Variants in GPHN observed in about 807,000 individuals in gnomAD.
GPHN encodes the protein gephyrin.
A neutral mutation model predicts 95.5 loss-of-function variants in GPHN; 17 were observed. The observed-to-expected ratio is 0.18, with a 90% CI of 0.12 to 0.27. GPHN has a LOEUF of 0.27. Ranked by LOEUF, GPHN falls within the 10% of genes least tolerant of loss-of-function variation. GPHN has a pLI of 1.00. For missense variants in GPHN, 660 were observed against 978.1 expected (o/e 0.67, Z 4.34); for synonymous variants, 320 against 322.5 (o/e 0.99, Z 0.08).
At position 66,925,950 on chromosome 14, in the gene GPHN, G is replaced by A. The variant is rs568907765; in HGVS notation, c.828+1658G>A. 1.4e-3 allele frequency among the ~76,000 whole-genome samples: 208 copies of A among 152,200 alleles called. 2 individuals are homozygous for A. Among genetic ancestry groups the A allele is most frequent in the Admixed American group, 3.9e-3 (59 of 15,266 alleles). On this transcript the variant is annotated intron_variant, in intron 8 of 22. Coordinates refer to ENST00000478722, the MANE Select transcript of GPHN (RefSeq NM_020806.5). ...TTTTGGATAAAAGCCGTATTAACTG[G>A]GAAGAGATGATATCTCATTATAGTT...
At chr14:66,916,829 C>T (rs984688291) in intron 6 of GPHN, among the ~76,000 whole-genome samples, 1 of 152,172 alleles carries the variant, frequency 6.6e-6, no homozygotes, top group Non-Finnish European at 1.5e-5. Context: ...ACAAGCTACC[C>T]CCTGGCCTTT....
intron 1 of GPHN, among the ~76,000 whole-genome samples, chr14:66,617,100 G>T (rs2063077159): frequency 6.6e-6 from 1 of 152,192 alleles, no homozygotes; most frequent in Non-Finnish European, 1.5e-5. Context: ...GGGCTTCCCG[G>T]ATTCCTCAGA....
intron 2 of GPHN, among the ~76,000 whole-genome samples, chr14:66,752,969 A>G (rs1702504299): frequency 6.6e-6 from 1 of 151,750 alleles, no homozygotes; most frequent in African/African-American, 2.4e-5. Context: ...AGATTGATTT[A>G]ATAAATAATT....
the GPHN span, among the ~76,000 whole-genome samples, chr14:67,410,476 C>A: frequency 1.2e-3 from 176 of 152,084 alleles, no homozygotes; most frequent in Non-Finnish European, 2.1e-3. Context: ...CCACATGCTG[C>A]GAGAAACCGG....
intron 2 of GPHN, among the ~76,000 whole-genome samples, chr14:66,767,131 C>T (rs1418918902): frequency 6.6e-6 from 1 of 151,904 alleles, no homozygotes; most frequent in Non-Finnish European, 1.5e-5. Flanking sequence ...TAAAATATTT[C>T]AAGATGCCTA....
chr14:67,194,932 A>G, the GPHN span, among the ~76,000 whole-genome samples: 1 of 152,208 alleles, frequency 6.6e-6, no homozygotes, highest in East Asian at 1.9e-4. Context: ...TGCTGGGATT[A>G]TAGGCGTGAG....
chr14:66,681,204 G>A lies in GPHN; in HGVS notation c.143+19G>A. The A allele has an allele frequency of 2.1e-6, 3 of 1,397,372 alleles. No homozygotes were observed. The highest frequency in any genetic ancestry group is 2.0e-6 in the Non-Finnish European group (2 of 985,940). The allele number at this position is 1,397,372 out of a possible 1,614,324, so 86.6% of individuals were successfully genotyped here. ...CTTCTTTGTGAGTATTGTGCTTTCA[G>A]TATTAAGTATAAATTAAAACTTTAT... On this transcript the variant is annotated intron_variant, in intron 2 of 22. Coordinates refer to ENST00000478722, the MANE Select transcript of GPHN (RefSeq NM_020806.5).
the GPHN span, among the ~76,000 whole-genome samples, chr14:67,393,801 G>A: frequency 2.0e-5 from 3 of 152,182 alleles, no homozygotes; most frequent in African/African-American, 2.4e-5. Flanking sequence ...CCCATAGCAC[G>A]GCTCACCCCT....
At chr14:66,729,508 C>T (rs770231617) in intron 2 of GPHN, among the ~76,000 whole-genome samples, 8 of 151,978 alleles carry the variant, frequency 5.3e-5, no homozygotes, top group Non-Finnish European at 1.0e-4. Flanking sequence ...TAGCGATCTA[C>T]GAGTAGTTGC....
intron 8 of GPHN, among the ~76,000 whole-genome samples, chr14:66,928,666 C>T (rs1451701846): frequency 1.3e-5 from 2 of 152,050 alleles, no homozygotes; most frequent in Admixed American, 6.5e-5. Context: ...TTGGTATAAA[C>T]TTTCCTCTTA....
intron 10 of GPHN, among the ~76,000 whole-genome samples, chr14:67,024,862 A>T (rs559534379): frequency 6.6e-6 from 1 of 152,208 alleles, no homozygotes; most frequent in South Asian, 2.1e-4. Flanking sequence ...AAAGGTAAAA[A>T]TTCATGGGGT....
chr14:67,221,786 A>G, the GPHN span: 1 of 1,613,450 alleles, frequency 6.2e-7, no homozygotes, highest in South Asian at 1.1e-5. Context: ...CAGGAGCTTG[A>G]GAACTGAATC....
chr14:66,970,085 GTTT>G (rs76967963), intron 9 of GPHN, among the ~76,000 whole-genome samples: 7 of 99,024 alleles, frequency 7.1e-5, no homozygotes, highest in Admixed American at 2.1e-4. Context: ...AGCAAGTTGT[GTTT>G]TTTTTTTTTT....
At chr14:66,669,180 A>G (rs902948518) in intron 1 of GPHN, among the ~76,000 whole-genome samples, 1 of 152,054 alleles carries the variant, frequency 6.6e-6, no homozygotes, top group Non-Finnish European at 1.5e-5. Flanking sequence ...CCTGGCCAAC[A>G]TGGAGAAACC....
chr14:66,682,010 T>A (rs900624616), intron 2 of GPHN, among the ~76,000 whole-genome samples: 1 of 151,898 alleles, frequency 6.6e-6, no homozygotes, highest in South Asian at 2.1e-4. Context: ...CCCACGGGAG[T>A]CACTAATAAG....
Position 67,062,726 on chromosome 14 carries a change from G to A in GPHN, c.1144+3940G>A, listed in dbSNP as rs536811321. Among the ~76,000 whole-genome samples the A allele has an allele frequency of 2.0e-5, 3 of 152,284 alleles. No individual in the cohort carries two copies. In the South Asian group the frequency reaches 6.2e-4, roughly 32 times the overall value. ...CTGCATAAATGTCTTCTTTTGAGAA[G>A]TGTCTGTTCATATCCTTTGCCCACT... On this transcript the variant is annotated intron_variant, in intron 11 of 22. Coordinates refer to ENST00000478722, the MANE Select transcript of GPHN (RefSeq NM_020806.5).
the GPHN span, chr14:67,568,955 C>T: frequency 1.7e-6 from 1 of 572,554 alleles, no homozygotes; most frequent in Non-Finnish European, 3.1e-6. Flanking sequence ...GTATTATTAC[C>T]TCCATTTAGA....
chr14:66,972,277 A>T (rs1287516828), intron 9 of GPHN, among the ~76,000 whole-genome samples: 1 of 130,884 alleles, frequency 7.6e-6, no homozygotes, highest in East Asian at 2.3e-4. Flanking sequence ...CAAAAAAAAA[A>T]AAAAAAAGAA....
chr14:67,642,102 C>A, the GPHN span: 1 of 1,288,730 alleles, frequency 7.8e-7, no homozygotes, highest in Non-Finnish European at 1.1e-6. Context: ...TGTACTTTGT[C>A]ACGTATTATC....
Sources: gnomAD v4.1 joint callset for allele counts (sites outside exome capture counted in the v4.1 genomes callset) on GRCh38, gnomAD v4.1.1 for gene constraint, MANE v1.5 for transcripts, NCBI Gene and HGNC (gene_info 2026-07-23, HGNC 2026-07-21) for gene names.